Variants in CHST11 observed in about 807,000 individuals in gnomAD.
The protein encoded by CHST11 is carbohydrate sulfotransferase 11.
CHST11 carries 9 observed loss-of-function variants against 30.4 expected under a neutral mutation model. The observed-to-expected ratio is 0.30, with a 90% CI of 0.18 to 0.52. CHST11 has a LOEUF of 0.52. Ranked by LOEUF, CHST11 falls within the 20% of genes least tolerant of loss-of-function variation. The probability of loss-of-function intolerance (pLI) is 0.97; values close to 1 mark genes in which losing one functional copy is unlikely to be tolerated. For synonymous variants in CHST11, 152 were observed against 187.8 expected (o/e 0.81, Z 1.56); for missense variants, 348 against 460.6 (o/e 0.76, Z 2.24).
chr12:104,601,274 G>C (rs2038955188), intron 1 of CHST11, among the ~76,000 whole-genome samples: 1 of 152,172 alleles, frequency 6.6e-6, no homozygotes, highest in Admixed American at 6.5e-5. Context: ...AATGTTGGTG[G>C]GGTTTGAGGA....
At chr12:104,514,909 C>T (rs555817753) in intron 1 of CHST11, among the ~76,000 whole-genome samples, 2 of 152,296 alleles carry the variant, frequency 1.3e-5, no homozygotes, top group South Asian at 4.1e-4. Context: ...TCAGTTTCCT[C>T]AGCGGTAAAC....
At chr12:104,642,255 G>A (rs190131316) in intron 2 of CHST11, among the ~76,000 whole-genome samples, 1 of 152,230 alleles carries the variant, frequency 6.6e-6, no homozygotes, top group African/African-American at 2.4e-5. Flanking sequence ...TAGAATGGCA[G>A]TATGGGAGTA....
intron 2 of CHST11, among the ~76,000 whole-genome samples, chr12:104,636,632 C>T (rs903794284): frequency 7.9e-5 from 12 of 152,168 alleles, no homozygotes; most frequent in South Asian, 2.1e-4. Flanking sequence ...ATGTGAGTCT[C>T]GGCTCTGCTA....
At chr12:104,649,280 A>G (rs2136080838) in intron 2 of CHST11, among the ~76,000 whole-genome samples, 1 of 152,142 alleles carries the variant, frequency 6.6e-6, no homozygotes, top group East Asian at 1.9e-4. Flanking sequence ...ATCTGGGGTA[A>G]TTTTATTATT....
chr12:104,628,159 T>G (rs934873705), intron 2 of CHST11, among the ~76,000 whole-genome samples: 1 of 152,154 alleles, frequency 6.6e-6, no homozygotes, highest in Non-Finnish European at 1.5e-5. Context: ...CACGGAGTGA[T>G]GTATCTCAGG....
At chr12:104,580,386 G>T (rs1024787624) in intron 1 of CHST11, among the ~76,000 whole-genome samples, 3 of 152,194 alleles carry the variant, frequency 2.0e-5, no homozygotes, top group Non-Finnish European at 4.4e-5. Context: ...GGTTAATTAG[G>T]TCAATTAGAT....
intron 2 of CHST11, among the ~76,000 whole-genome samples, chr12:104,633,565 C>T (rs563369428): frequency 6.6e-6 from 1 of 151,844 alleles, no homozygotes; most frequent in Non-Finnish European, 1.5e-5. Flanking sequence ...CAGGTGCCCG[C>T]CACCACACTC....
At chr12:104,604,867 T>C (rs1213880443) in intron 2 of CHST11, among the ~76,000 whole-genome samples, 1 of 152,324 alleles carries the variant, frequency 6.6e-6, no homozygotes, top group Admixed American at 6.5e-5. Flanking sequence ...TCTTAGTTAC[T>C]CTGTTACCAG....
At chr12:104,542,090 A>G (rs564114878) in intron 1 of CHST11, among the ~76,000 whole-genome samples, 17 of 152,380 alleles carry the variant, frequency 1.1e-4, no homozygotes, top group Middle Eastern at 3.4e-3. Flanking sequence ...TCTTTCCTCA[A>G]TTGAGAAGAG....
intron 1 of CHST11, among the ~76,000 whole-genome samples, chr12:104,488,170 T>G (rs1222412414): frequency 6.6e-6 from 1 of 152,176 alleles, no homozygotes; most frequent in African/African-American, 2.4e-5. Flanking sequence ...GCTAGCTTGT[T>G]AGGGGCCCAG....
chr12:104,587,298 A>G (rs2038814423), intron 1 of CHST11, among the ~76,000 whole-genome samples: 1 of 152,178 alleles, frequency 6.6e-6, no homozygotes, highest in African/African-American at 2.4e-5. Context: ...AACACACTTA[A>G]TCTTCTGATA....
chr12:104,714,272 C>T (rs1054241118), intron 2 of CHST11, among the ~76,000 whole-genome samples: 1 of 152,324 alleles, frequency 6.6e-6, no homozygotes, highest in East Asian at 1.9e-4. Flanking sequence ...TTCCTGCTTC[C>T]TCTCCCACAA....
At chr12:104,485,194 G>C (rs1233255450) in intron 1 of CHST11, among the ~76,000 whole-genome samples, 1 of 152,098 alleles carries the variant, frequency 6.6e-6, no homozygotes, top group East Asian at 1.9e-4. Flanking sequence ...GTGGGGCCTG[G>C]GAATCTATTT....
At chr12:104,693,640 G>A (rs563010972) in intron 2 of CHST11, among the ~76,000 whole-genome samples, 8 of 152,316 alleles carry the variant, frequency 5.3e-5, no homozygotes, top group Admixed American at 1.3e-4. Context: ...GGGTTTTAAG[G>A]GACCATGAGA....
intron 2 of CHST11, among the ~76,000 whole-genome samples, chr12:104,702,817 G>A (rs1032962124): frequency 1.9e-4 from 29 of 152,210 alleles, no homozygotes; most frequent in African/African-American, 6.0e-4. Flanking sequence ...CTCCAAGGGC[G>A]GACAGCGGGT....
intron 1 of CHST11, among the ~76,000 whole-genome samples, chr12:104,549,108 G>A (rs550690164): frequency 2.6e-5 from 4 of 152,192 alleles, no homozygotes; most frequent in Non-Finnish European, 5.9e-5. Flanking sequence ...TATGATTGCG[G>A]TAAAGCGTCC....
intron 1 of CHST11, among the ~76,000 whole-genome samples, chr12:104,545,110 G>A (rs1443071373): frequency 6.6e-6 from 1 of 152,174 alleles, no homozygotes; most frequent in Non-Finnish European, 1.5e-5. Flanking sequence ...TTATTACCCT[G>A]CAGAGTAAAA....
chr12:104,684,296 ATGGATGG>A (rs1245222649), intron 2 of CHST11, among the ~76,000 whole-genome samples: 1 of 151,774 alleles, frequency 6.6e-6, no homozygotes, highest in Non-Finnish European at 1.5e-5. Flanking sequence ...GGATGGATGG[ATGGATGG>A]ATAGATGGGT....
At chr12:104,599,185 A>T (rs1427503837) in intron 1 of CHST11, among the ~76,000 whole-genome samples, 1 of 152,192 alleles carries the variant, frequency 6.6e-6, no homozygotes, top group African/African-American at 2.4e-5. Flanking sequence ...GCCGGTTCCC[A>T]TGGCACCCAG....
Sources: gnomAD v4.1 joint callset for allele counts (sites outside exome capture counted in the v4.1 genomes callset) on GRCh38, gnomAD v4.1.1 for gene constraint, MANE v1.5 for transcripts, NCBI Gene and HGNC (gene_info 2026-07-23, HGNC 2026-07-21) for gene names.